LUZP2: variants seen among roughly 807,000 people sequenced by gnomAD.
LUZP2 encodes the protein leucine zipper protein 2.
Under a neutral mutation model 51.6 loss-of-function variants are expected in LUZP2, and 52 were observed. That is an observed-to-expected ratio of 1.01 (90% CI 0.81 to 1.27). The LOEUF is 1.27. Among genes scored for constraint, LUZP2 ranks in the 50% most tolerant of loss-of-function variants. The pLI is 0.00. For synonymous variants in LUZP2, 154 were observed against 137.3 expected (o/e 1.12, Z -0.85); for missense variants, 436 against 395.4 (o/e 1.10, Z -0.87).
chr11:24,968,678 G>A (rs1169258908), intron 7 of LUZP2, among the ~76,000 whole-genome samples: 1 of 152,058 alleles, frequency 6.6e-6, no homozygotes, highest in Admixed American at 6.6e-5. Context: ...ATTTTTGGGA[G>A]CCCCACCCCT....
intron 5 of LUZP2, among the ~76,000 whole-genome samples, chr11:24,817,757 G>T (rs1412816347): frequency 1.3e-5 from 2 of 151,934 alleles, no homozygotes; most frequent in African/African-American, 4.8e-5. Context: ...ATGTCCAATT[G>T]CACAGTGAAA....
At chr11:25,015,553 G>C (rs996080719) in intron 9 of LUZP2, among the ~76,000 whole-genome samples, 1 of 152,086 alleles carries the variant, frequency 6.6e-6, no homozygotes, top group Admixed American at 6.6e-5. Flanking sequence ...TGATACATTT[G>C]AGGGGTAGTA....
At chr11:24,977,074 T>A (rs1312977462) in intron 8 of LUZP2, among the ~76,000 whole-genome samples, 1 of 151,828 alleles carries the variant, frequency 6.6e-6, no homozygotes, top group Non-Finnish European at 1.5e-5. Context: ...ATGTATCTTA[T>A]AATTTATACT....
chr11:24,636,342 A>T (rs1855105819), intron 1 of LUZP2, among the ~76,000 whole-genome samples: 2 of 152,172 alleles, frequency 1.3e-5, no homozygotes, highest in South Asian at 4.1e-4. Flanking sequence ...AAATATAATC[A>T]ACCTGGAGCT....
intron 5 of LUZP2, among the ~76,000 whole-genome samples, chr11:24,870,421 G>C (rs925698802): frequency 6.6e-6 from 1 of 151,592 alleles, no homozygotes; most frequent in African/African-American, 2.4e-5. Context: ...TCCAATCATA[G>C]TTCTCCAGTT....
chr11:24,497,845 T>C (rs956201251), intron 1 of LUZP2, among the ~76,000 whole-genome samples: 2 of 152,214 alleles, frequency 1.3e-5, no homozygotes, highest in African/African-American at 4.8e-5. Context: ...AGCTTAGTGA[T>C]AGGCGTTTTC....
At position 25,050,075 on chromosome 11, in the gene LUZP2, A is replaced by G. The variant is rs767018652; in HGVS notation, c.803A>G (p.Gln268Arg). The change falls in exon 10 of 12, where the codon CAA (glutamine) becomes CGA (arginine). Residue 268 changes from glutamine to arginine, a missense_variant. By Grantham distance (43) the Gln-to-Arg change is conservative (BLOSUM62 1). Transcript: ENST00000336930. ...QSASGNNESS[Q>R]VESTKEGNPS... ...GCTTCTGGAAACAATGAGAGCTCTC[A>G]AGTTGAGTCAACAAAGGAAGGAAAT... The G allele has an allele frequency of 3.1e-6, 5 of 1,599,320 alleles. No homozygotes were observed. The highest frequency in any genetic ancestry group is 4.3e-6 in the Non-Finnish European group (5 of 1,172,578).
At chr11:25,006,864 G>T (rs781268136) in intron 9 of LUZP2, among the ~76,000 whole-genome samples, 1 of 152,146 alleles carries the variant, frequency 6.6e-6, no homozygotes, top group Non-Finnish European at 1.5e-5. Flanking sequence ...TGTGAAGAGT[G>T]AAAGAACAAA....
rs1372228248 is a variant in LUZP2, at chr11:24,870,478, CACACACACACAG to C, written c.397-35501_397-35490del. Among the ~76,000 whole-genome samples the C allele has an allele frequency of 9.7e-3, 249 of 25,706 alleles. 1 individual carries two copies. The highest frequency in any genetic ancestry group is 0.034 in the Admixed American group (57 of 1,688). The allele number at this position is 25,706 out of a possible 152,430, so 16.9% of individuals were successfully genotyped here. A position where few individuals can be genotyped will look rare whatever the true frequency, so the allele number is the denominator to read the frequency against. ...ATGAGCACACCAGTTCCTACACACA[CACACACACACAG>C]ACACACACACACACACACACACTTC... is the stretch of plus-strand genomic sequence containing the variant. On this transcript the variant is annotated intron_variant, in intron 5 of 11. Coordinates refer to ENST00000336930, the MANE Select transcript of LUZP2 (RefSeq NM_001009909.4).
At position 24,918,827 on chromosome 11, in the gene LUZP2, A is replaced by G. The variant is rs1038015302; in HGVS notation, c.522+4289A>G. ...TGGTCATTGATATATATACACATAT[A>G]TCTCCATTGGAATACATCTATATAT... On this transcript the variant is annotated intron_variant, in intron 7 of 11. Coordinates refer to ENST00000336930, the MANE Select transcript of LUZP2 (RefSeq NM_001009909.4). Among the ~76,000 whole-genome samples the G allele has an allele frequency of 6.5e-5, 9 of 139,526 alleles. 1 individual carries two copies. In the South Asian group the frequency reaches 8.8e-4, roughly 14 times the overall value. The allele number at this position is 139,526 out of a possible 152,430, so 91.5% of individuals were successfully genotyped here.
At chr11:24,954,169 A>G (rs1362586232) in intron 7 of LUZP2, among the ~76,000 whole-genome samples, 1 of 152,056 alleles carries the variant, frequency 6.6e-6, no homozygotes, top group Admixed American at 6.6e-5. Flanking sequence ...GGTAACCTAT[A>G]GTTTAACACA....
chr11:24,653,106 A>T (rs983916568), intron 1 of LUZP2, among the ~76,000 whole-genome samples: 1 of 152,132 alleles, frequency 6.6e-6, no homozygotes, highest in South Asian at 2.1e-4. Flanking sequence ...GATGGTAAGC[A>T]CTTATCTGAG....
intron 1 of LUZP2, among the ~76,000 whole-genome samples, chr11:24,647,332 G>T (rs1308962292): frequency 3.3e-5 from 5 of 151,324 alleles, no homozygotes; most frequent in African/African-American, 1.2e-4. Context: ...TATACAGAAA[G>T]AAAATTATCA....
chr11:24,866,528 C>CTT (rs35971787), intron 5 of LUZP2, among the ~76,000 whole-genome samples: 64 of 150,880 alleles, frequency 4.2e-4, no homozygotes, highest in South Asian at 1.3e-3. Flanking sequence ...TAAAACAACA[C>CTT]TTTTTTTTTG....
rs1859019464 is a variant in LUZP2, at chr11:24,738,348, T to C, written c.333+46T>C. 5 of 1,379,206 alleles carry C rather than the reference T, an allele frequency of 3.6e-6. No homozygotes were observed. The African/African-American group carries it at 4.3e-5, about 12-fold the overall frequency. 85.4% of individuals were successfully genotyped at this position (1,379,206 alleles called of 1,614,324 possible). A position where few individuals can be genotyped will look rare whatever the true frequency, so the allele number is the denominator to read the frequency against. Reference sequence around the variant, plus strand: ...TGCCTTTTGCTTTTGGGCTGGGACATTGTTACTTTCTTTTTCCAAAATCAC... The same window carrying C: ...TGCCTTTTGCTTTTGGGCTGGGACACTGTTACTTTCTTTTTCCAAAATCAC... On this transcript the variant is annotated intron_variant, in intron 4 of 11. Coordinates refer to ENST00000336930, the MANE Select transcript of LUZP2 (RefSeq NM_001009909.4).
intron 4 of LUZP2, among the ~76,000 whole-genome samples, chr11:24,755,241 C>A (rs1418729421): frequency 2.6e-5 from 4 of 152,042 alleles, no homozygotes; most frequent in African/African-American, 9.7e-5. Context: ...CTGATAATAC[C>A]AATGTACAAA....
At chr11:24,786,424 A>G in intron 5 of LUZP2, 10 of 982,610 alleles carry the variant, frequency 1.0e-5, no homozygotes, top group Non-Finnish European at 1.1e-5. Context: ...TACATATGCA[A>G]TTTTTCATGG....
chr11:24,892,029 T>C, intron 5 of LUZP2: 3 of 985,306 alleles, frequency 3.0e-6, no homozygotes, highest in Non-Finnish European at 3.6e-6. Context: ...TGGAAAGGAG[T>C]ATGTATTCCA....
At chr11:24,983,425 A>G (rs866111996) in intron 9 of LUZP2, 132 bp downstream of exon 9, 7 of 918,922 alleles carry the variant, frequency 7.6e-6, no homozygotes, top group Middle Eastern at 2.4e-4. Flanking sequence ...AGGAAAATGG[A>G]AGGTAGTAAC....
Sources: gnomAD v4.1 joint callset for allele counts (sites outside exome capture counted in the v4.1 genomes callset) on GRCh38, gnomAD v4.1.1 for gene constraint, MANE v1.5 for transcripts, NCBI Gene and HGNC (gene_info 2026-07-23, HGNC 2026-07-21) for gene names.